The following ZNF407 variants were observed in gnomAD, a reference collection of about 807,000 sequenced individuals.
The protein encoded by ZNF407 is zinc finger protein 407.
Under a neutral mutation model 131.2 loss-of-function variants are expected in ZNF407, and 17 were observed. The ratio of observed to expected loss-of-function variants is 0.13; its 90% CI spans 0.09 to 0.19. ZNF407 has a LOEUF of 0.19. Among genes scored for constraint, ZNF407 ranks in the 10% least tolerant of loss-of-function variants. The probability of loss-of-function intolerance (pLI) is 1.00; values close to 1 mark genes in which losing one functional copy is unlikely to be tolerated. For missense variants in ZNF407, 2,681 were observed against 2,830.6 expected (o/e 0.95, Z 1.20); for synonymous variants, 1,156 against 1,062.0 (o/e 1.09, Z -1.72).
chr18:75,054,827 G>A (rs1973542626), intron 8 of ZNF407, among the ~76,000 whole-genome samples: 1 of 152,232 alleles, frequency 6.6e-6, no homozygotes, highest in South Asian at 2.1e-4. Flanking sequence ...AGAGTTTGAA[G>A]GTCTTCTGGA....
chr18:74,743,359 A>C (rs1968594162), intron 3 of ZNF407, among the ~76,000 whole-genome samples: 1 of 151,984 alleles, frequency 6.6e-6, no homozygotes, highest in Admixed American at 6.6e-5. Context: ...TTGTCTTGTC[A>C]GATCTGTGTG....
intron 8 of ZNF407, among the ~76,000 whole-genome samples, chr18:75,047,211 G>A (rs570258346): frequency 9.9e-5 from 15 of 152,150 alleles, no homozygotes; most frequent in Non-Finnish European, 1.8e-4. Flanking sequence ...ATCTGTGGGG[G>A]TTTAATGACT....
intron 5 of ZNF407, among the ~76,000 whole-genome samples, chr18:74,878,218 TC>T (rs1377701566): frequency 2.6e-5 from 4 of 152,170 alleles, no homozygotes; most frequent in Non-Finnish European, 5.9e-5. Context: ...GTGGCCATAT[TC>T]CTGTGAGCTG....
intron 1 of ZNF407, among the ~76,000 whole-genome samples, chr18:74,614,972 C>T (rs899867682): frequency 1.3e-5 from 2 of 152,228 alleles, no homozygotes; most frequent in African/African-American, 4.8e-5. Context: ...GTTTTGCAGA[C>T]TCCCTTGCAG....
intron 1 of ZNF407, among the ~76,000 whole-genome samples, chr18:74,616,907 ACAT>A (rs1983319391): frequency 4.0e-5 from 6 of 151,092 alleles, no homozygotes; most frequent in South Asian, 2.1e-4. Flanking sequence ...ATATCCACAC[ACAT>A]CCATATCCAC....
chr18:75,004,347 A>G (rs1972882332), intron 8 of ZNF407, among the ~76,000 whole-genome samples: 1 of 151,960 alleles, frequency 6.6e-6, no homozygotes, highest in African/African-American at 2.4e-5. Flanking sequence ...ATAATAATAC[A>G]TTTTCCCATT....
chr18:74,900,355 AT>A (rs1184995752), intron 7 of ZNF407, among the ~76,000 whole-genome samples: 1 of 152,086 alleles, frequency 6.6e-6, no homozygotes, highest in Non-Finnish European at 1.5e-5. Context: ...ATGGCACCAC[AT>A]TTTATCTTCA....
intron 8 of ZNF407, among the ~76,000 whole-genome samples, chr18:75,034,152 A>G (rs1249319276): frequency 1.3e-5 from 2 of 152,196 alleles, no homozygotes; most frequent in African/African-American, 4.8e-5. Flanking sequence ...ACACTGTGAA[A>G]GCATATGTAG....
Position 74,636,938 on chromosome 18 carries a change from C to T in ZNF407, c.4687+1232C>T, listed in dbSNP as rs188564418. Among the ~76,000 whole-genome samples, 9 of 152,278 alleles carry T rather than the reference C, an allele frequency of 5.9e-5. 1 individual carries two copies. The highest frequency in any genetic ancestry group is 1.9e-4 in the East Asian group (1 of 5,178). On this transcript the variant is annotated intron_variant, in intron 2 of 8. Transcript: ENST00000299687. ...TTTAGGAATAAGACTTGTTCACATG[C>T]GCAGAAAATATGTACTTTCTTAATA...
At chr18:74,620,494 C>T (rs1412589966) in intron 1 of ZNF407, among the ~76,000 whole-genome samples, 1 of 150,892 alleles carries the variant, frequency 6.6e-6, no homozygotes, top group African/African-American at 2.4e-5. Context: ...ATTTTAATAA[C>T]CCGCAGGCAA....
At chr18:74,776,083 C>T (rs987243774) in intron 3 of ZNF407, among the ~76,000 whole-genome samples, 7 of 152,130 alleles carry the variant, frequency 4.6e-5, no homozygotes, top group Non-Finnish European at 4.4e-5. Context: ...ATCCCCAGTG[C>T]CATAGTATTA....
intron 3 of ZNF407, among the ~76,000 whole-genome samples, chr18:74,692,688 C>T (rs1967255240): frequency 6.6e-6 from 1 of 152,064 alleles, no homozygotes; most frequent in South Asian, 2.1e-4. Flanking sequence ...GAATTCCTGC[C>T]CCGCCCCTGG....
chr18:74,638,236 C>A (rs1230794163), intron 2 of ZNF407, among the ~76,000 whole-genome samples: 1 of 152,308 alleles, frequency 6.6e-6, no homozygotes, highest in East Asian at 1.9e-4. Context: ...GGACAGACAG[C>A]TCAGTAGGAG....
chr18:74,755,457 T>G (rs1453324095), intron 3 of ZNF407, among the ~76,000 whole-genome samples: 1 of 152,176 alleles, frequency 6.6e-6, no homozygotes, highest in Non-Finnish European at 1.5e-5. Flanking sequence ...CTTGGCATTC[T>G]TGTCACAATG....
At chr18:74,778,183 C>T (rs932311107) in intron 3 of ZNF407, among the ~76,000 whole-genome samples, 6 of 152,148 alleles carry the variant, frequency 3.9e-5, no homozygotes, top group Non-Finnish European at 5.9e-5. Flanking sequence ...TTTTTTCTAT[C>T]CTCCCTGGAT....
chr18:74,618,529 A>G (rs1000239342), intron 1 of ZNF407, among the ~76,000 whole-genome samples: 1 of 152,154 alleles, frequency 6.6e-6, no homozygotes, highest in Non-Finnish European at 1.5e-5. Flanking sequence ...TCTGATTCTG[A>G]GTTTAGTCTG....
intron 3 of ZNF407, among the ~76,000 whole-genome samples, chr18:74,777,248 C>T (rs1458099917): frequency 2.6e-5 from 4 of 151,892 alleles, no homozygotes; most frequent in African/African-American, 7.2e-5. Flanking sequence ...GGAGTGTAGG[C>T]ATTACTACTG....
chr18:74,860,470 A>C (rs1295949348), intron 4 of ZNF407, among the ~76,000 whole-genome samples: 1 of 137,660 alleles, frequency 7.3e-6, no homozygotes, highest in Non-Finnish European at 1.5e-5. Flanking sequence ...TAGATACTAA[A>C]TTGCAGAACC....
At chr18:74,969,053 C>T (rs1219833699) in intron 8 of ZNF407, among the ~76,000 whole-genome samples, 1 of 152,158 alleles carries the variant, frequency 6.6e-6, no homozygotes, top group African/African-American at 2.4e-5. Context: ...CATTGTGGAG[C>T]CCAGCCAATG....
Sources: allele counts gnomAD v4.1 joint callset (sites outside exome capture counted in the v4.1 genomes callset), GRCh38; gene constraint gnomAD v4.1.1; transcripts MANE v1.5; gene names NCBI Gene and HGNC (gene_info 2026-07-23, HGNC 2026-07-21).